HELZ: variants seen among roughly 807,000 people sequenced by gnomAD.
HELZ encodes helicase with zinc finger, also known as ATP-dependent RNA helicase with zinc finger domain.
Under a neutral mutation model 218.2 loss-of-function variants are expected in HELZ, and 23 were observed. The observed-to-expected ratio is 0.11, with a 90% confidence interval of 0.08 to 0.15. HELZ has a LOEUF of 0.15. Ranked by LOEUF, HELZ falls within the 10% of genes least tolerant of loss-of-function variation. HELZ has a pLI of 1.00. For missense variants in HELZ, 1,813 were observed against 2,353.7 expected, an observed-to-expected ratio of 0.77 and a Z score of 4.75; for synonymous variants, 814 against 829.4, an observed-to-expected ratio of 0.98 and a Z score of 0.32.
At chr17:67,136,439 T>C (rs1235166662) in intron 22 of HELZ, among the ~76,000 whole-genome samples, 1 of 152,152 alleles carries the variant, frequency 6.6e-6, no homozygotes, top group Non-Finnish European at 1.5e-5. Context: ...AGCAATTCCA[T>C]GCTTACATAC....
intron 3 of HELZ, among the ~76,000 whole-genome samples, chr17:67,227,247 C>A (rs2040918858): frequency 6.6e-6 from 1 of 150,456 alleles, no homozygotes; most frequent in Non-Finnish European, 1.5e-5. Context: ...GGTTGGAGTG[C>A]AGTGGCGTGA....
chr17:67,097,453 C>G (rs1380169530), intron 31 of HELZ, among the ~76,000 whole-genome samples: 1 of 152,160 alleles, frequency 6.6e-6, no homozygotes, highest in Non-Finnish European at 1.5e-5. Context: ...CAACACAGTG[C>G]ATCAAAATCA....
rs57142727 is a variant in HELZ at position 67,242,412 on chromosome 17, C to CAA, written c.-76+1370_-76+1371dup. Among the ~76,000 whole-genome samples, 366 of 92,486 alleles carry CAA rather than the reference C, an allele frequency of 4.0e-3. 10 individuals are homozygous for CAA. Among genetic ancestry groups the CAA allele is most frequent in the East Asian group, 7.8e-3 (26 of 3,350 alleles). The allele number at this position is 92,486 out of a possible 152,430, so 60.7% of individuals were successfully genotyped here. ...GGGCAACAAGAGTGAAACTCTGTCTCAAAAAAAAAAAAAAAGAAAAAAAAT... is the reference window on the plus strand; with the variant it reads ...GGGCAACAAGAGTGAAACTCTGTCTCAAAAAAAAAAAAAAAAAGAAAAAAAAT... On this transcript the variant is annotated intron_variant, in intron 2 of 32. Transcript: ENST00000358691.
intron 5 of HELZ, among the ~76,000 whole-genome samples, chr17:67,206,943 G>A (rs1288500781): frequency 2.7e-5 from 4 of 145,540 alleles, no homozygotes; most frequent in Admixed American, 1.4e-4. Flanking sequence ...ACAGAGTTTC[G>A]CTCTTGTTGC....
Position 67,071,828 on chromosome 17 carries a change from T to C in HELZ, c.*6424A>G, listed in dbSNP as rs983136154. 6.6e-6 allele frequency: 1 copy of C among 152,578 alleles called. No individual in the cohort carries two copies. Among genetic ancestry groups the C allele is most frequent in the Non-Finnish European group, 1.5e-5 (1 of 68,020 alleles). 9.5% of individuals were successfully genotyped at this position (152,578 alleles called of 1,614,324 possible). Reference sequence around the variant, plus strand: ...TAGGTGGTAGATCCCCCTAGGCTGTTTTGCAAACACATATAGATTTTTTTA... The same window carrying C: ...TAGGTGGTAGATCCCCCTAGGCTGTCTTGCAAACACATATAGATTTTTTTA... On this transcript the variant is annotated 3_prime_UTR_variant, in exon 33 of 33. Coordinates refer to ENST00000358691, the MANE Select transcript of HELZ (RefSeq NM_014877.4).
intron 7 of HELZ, among the ~76,000 whole-genome samples, chr17:67,200,359 T>C (rs2040137654): frequency 6.6e-6 from 1 of 152,172 alleles, no homozygotes; most frequent in African/African-American, 2.4e-5. Context: ...TCACTATTTA[T>C]CCTCATACAC....
Position 67,188,264 on chromosome 17 carries a change from C to T in HELZ, c.1162+55G>A. 1.3e-6 allele frequency: 2 copies of T among 1,497,972 alleles called. No homozygotes were observed. The highest frequency in any genetic ancestry group is 1.8e-6 in the Non-Finnish European group (2 of 1,098,246). The allele number at this position is 1,497,972 out of a possible 1,614,324, so 92.8% of individuals were successfully genotyped here. A position where few individuals can be genotyped will look rare whatever the true frequency, so the allele number is the denominator to read the frequency against. The stretch of plus-strand genomic sequence containing the variant: ...AATATATTCAGGGGCCAATACATAT[C>T]TTTGAATGTTGCTTTTTAACACATT... On this transcript the variant is annotated intron_variant, in intron 12 of 32. Transcript: ENST00000358691. The surrounding 1 kb of genome is among the most constrained non-coding windows in gnomAD (Gnocchi z 4.1).
rs1388913503 is a variant in HELZ at position 67,073,663 on chromosome 17, C to T, written c.*4589G>A. 1 of 152,160 alleles carries T rather than the reference C, an allele frequency of 6.6e-6. No individual in the cohort carries two copies. Among genetic ancestry groups the T allele is most frequent in the African/African-American group, 2.4e-5 (1 of 41,442 alleles). The allele number at this position is 152,160 out of a possible 1,614,324, so 9.4% of individuals were successfully genotyped here. On this transcript the variant is annotated 3_prime_UTR_variant, in exon 33 of 33. Transcript: ENST00000358691. ...CTGGTGACTGTTTCCTTAAACTTCA[C>T]TCCAAAGTAGACATTCTCAATTGGT...
intron 5 of HELZ, among the ~76,000 whole-genome samples, chr17:67,204,353 T>C (rs2040242777): frequency 6.6e-6 from 1 of 152,216 alleles, no homozygotes; most frequent in African/African-American, 2.4e-5. Flanking sequence ...ATAATCTCAC[T>C]ACTCAACGAA....
intron 13 of HELZ, among the ~76,000 whole-genome samples, chr17:67,169,099 A>T (rs891938804): frequency 5.3e-5 from 8 of 151,342 alleles, no homozygotes; most frequent in African/African-American, 1.2e-4. Context: ...TCCCCAAATT[A>T]AAAAAAAAGA....
chr17:67,079,355 AGTT>A (rs2036115715), intron 32 of HELZ, among the ~76,000 whole-genome samples: 2 of 152,316 alleles, frequency 1.3e-5, no homozygotes, highest in East Asian at 3.9e-4. Flanking sequence ...ATAAGCCTTA[AGTT>A]GTTGTTTTAT....
intron 31 of HELZ, among the ~76,000 whole-genome samples, chr17:67,102,378 A>G (rs956234111): frequency 7.9e-5 from 12 of 152,230 alleles, no homozygotes; most frequent in African/African-American, 2.9e-4. Flanking sequence ...TCTAACTTCT[A>G]CATTTTCTGT....
intron 9 of HELZ, among the ~76,000 whole-genome samples, chr17:67,192,728 T>C (rs2039929186): frequency 6.6e-6 from 1 of 152,206 alleles, no homozygotes; most frequent in Non-Finnish European, 1.5e-5. Context: ...TTTCCTTCGC[T>C]ATCAAAAGTA....
chr17:67,199,300 C>T (rs2040110081), intron 7 of HELZ, among the ~76,000 whole-genome samples: 1 of 151,360 alleles, frequency 6.6e-6, no homozygotes, highest in Non-Finnish European at 1.5e-5. Context: ...GCAACTTCCG[C>T]CTCCTGGGTT....
intron 7 of HELZ, among the ~76,000 whole-genome samples, chr17:67,198,121 A>G (rs916027108): frequency 6.6e-6 from 1 of 152,248 alleles, no homozygotes; most frequent in Non-Finnish European, 1.5e-5. Context: ...GGAAAATTTT[A>G]AAGTATCTCC....
intron 5 of HELZ, among the ~76,000 whole-genome samples, chr17:67,212,245 G>A (rs951743850): frequency 2.2e-5 from 3 of 139,504 alleles, no homozygotes; most frequent in Non-Finnish European, 3.0e-5. Context: ...AACCCAGGAG[G>A]CACAGGTTGC....
intron 17 of HELZ, among the ~76,000 whole-genome samples, chr17:67,154,658 C>T (rs1229354119): frequency 6.6e-6 from 1 of 151,988 alleles, no homozygotes; most frequent in Non-Finnish European, 1.5e-5. Context: ...AAAATCATAT[C>T]AAAACATGTT....
chr17:67,244,600 A>G, intron 1 of HELZ: 1 of 837,408 alleles, frequency 1.2e-6, no homozygotes, highest in Non-Finnish European at 1.4e-6. Context: ...GGGGGGAAGA[A>G]AGTGAATCTC....
intron 3 of HELZ, among the ~76,000 whole-genome samples, chr17:67,230,434 A>G (rs1428655661): frequency 6.6e-6 from 1 of 152,034 alleles, no homozygotes; most frequent in East Asian, 1.9e-4. Context: ...TGTCTCTACT[A>G]AAAACACAAA....
Sources: allele counts gnomAD v4.1 joint callset (sites outside exome capture counted in the v4.1 genomes callset), GRCh38; gene constraint gnomAD v4.1.1; non-coding constraint Gnocchi (gnomAD v3.1); transcripts MANE v1.5; gene names NCBI Gene and HGNC (gene_info 2026-07-23, HGNC 2026-07-21).